ARMH1: variants seen among roughly 807,000 people sequenced by gnomAD.
ARMH1 encodes armadillo like helical domain containing 1, also known as armadillo-like helical domain containing protein 1.
Under a neutral mutation model 50.2 loss-of-function variants are expected in ARMH1, and 34 were observed. That is an observed-to-expected ratio of 0.68 (90% CI 0.51 to 0.90). The LOEUF (loss-of-function observed/expected upper bound fraction) is 0.90. Among genes scored for constraint, ARMH1 ranks in the 40% least tolerant of loss-of-function variants. The probability of loss-of-function intolerance (pLI) is 0.00; values close to 1 mark genes in which losing one functional copy is unlikely to be tolerated. For synonymous variants in ARMH1, 221 were observed against 224.2 expected, an observed-to-expected ratio of 0.99 and a Z score of 0.13; for missense variants, 538 against 553.9, an observed-to-expected ratio of 0.97 and a Z score of 0.29.
rs569522092 is a variant in ARMH1 at position 44,709,444 on chromosome 1, G to A, written c.724+5271G>A. On this transcript the variant is annotated intron_variant, in intron 6 of 11. Transcript: ENST00000535358. Reference sequence around the variant, plus strand: ...TCCCAGCACTTTGGGAGGCCAAGGGGGGCGGATCACGAGGTCAGGAGATCG... The same window carrying A: ...TCCCAGCACTTTGGGAGGCCAAGGGAGGCGGATCACGAGGTCAGGAGATCG... 3.9e-3 allele frequency among the ~76,000 whole-genome samples: 597 copies of A among 152,226 alleles called. 4 individuals are homozygous for A. Among genetic ancestry groups the A allele is most frequent in the Admixed American group, 9.5e-3 (146 of 15,296 alleles).
rs535052724 is a variant in ARMH1 at position 44,719,884 on chromosome 1, C to T, written c.725-4238C>T. ...GTGGCCAAGAAGTATAAGGTCCTGG[C>T]TTCAAAGCACTCTCAAAGTTGGCCA... On this transcript the variant is annotated intron_variant, in intron 6 of 11. Coordinates refer to ENST00000535358, the MANE Select transcript of ARMH1 (RefSeq NM_001145636.2). 7.2e-5 allele frequency among the ~76,000 whole-genome samples: 11 copies of T among 152,272 alleles called. No individual in the cohort carries two copies. The South Asian group carries it at 1.9e-3, about 26-fold the overall frequency.
At chr1:44,716,012 G>A (rs1646835394) in intron 6 of ARMH1, among the ~76,000 whole-genome samples, 1 of 152,172 alleles carries the variant, frequency 6.6e-6, no homozygotes, top group African/African-American at 2.4e-5. Flanking sequence ...AAACCCTCCT[G>A]ATGATACCTC....
chr1:44,688,666 C>G (rs918154401), intron 1 of ARMH1, among the ~76,000 whole-genome samples: 3 of 152,216 alleles, frequency 2.0e-5, no homozygotes, highest in African/African-American at 7.2e-5. Flanking sequence ...ATGACTTTCA[C>G]TTGTCTGTTA....
intron 6 of ARMH1, among the ~76,000 whole-genome samples, chr1:44,708,737 C>T (rs149111374): frequency 2.6e-5 from 4 of 152,252 alleles, no homozygotes; most frequent in African/African-American, 7.2e-5. Flanking sequence ...CTATGAAGAA[C>T]GCTACCTTCC....
chr1:44,675,207 A>T (rs911507596), intron 1 of ARMH1, among the ~76,000 whole-genome samples: 12 of 152,214 alleles, frequency 7.9e-5, no homozygotes, highest in African/African-American at 2.6e-4. Context: ...CGGGAGAGGG[A>T]GAGAAACCAT....
Position 44,677,669 on chromosome 1 carries a change from C to T in ARMH1, c.-23+2796C>T, listed in dbSNP as rs144307844. 2.9e-3 allele frequency among the ~76,000 whole-genome samples: 434 copies of T among 152,212 alleles called. 3 individuals are homozygous for T. The highest frequency in any genetic ancestry group is 0.017 in the Middle Eastern group (5 of 294). ...TGGAGTACAGGAGACAGTCAGGATGCTGATGTGGCCACTGAACTCCCCCTG... is the reference window on the plus strand; with the variant it reads ...TGGAGTACAGGAGACAGTCAGGATGTTGATGTGGCCACTGAACTCCCCCTG... On this transcript the variant is annotated intron_variant, in intron 1 of 11. Transcript: ENST00000535358.
intron 2 of ARMH1, among the ~76,000 whole-genome samples, chr1:44,694,330 A>G (rs1645753478): frequency 6.6e-6 from 1 of 152,168 alleles, no homozygotes; most frequent in African/African-American, 2.4e-5. Flanking sequence ...TTGGAGGAAA[A>G]CAAGTCAATA....
Position 44,724,857 on chromosome 1 carries a change from G to T in ARMH1, c.1128+18G>T. The T allele has an allele frequency of 6.6e-7, 1 of 1,516,962 alleles. No homozygotes were observed. The highest frequency in any genetic ancestry group is 8.8e-7 in the Non-Finnish European group (1 of 1,135,834). 94.0% of individuals were successfully genotyped at this position (1,516,962 alleles called of 1,614,324 possible). On this transcript the variant is annotated intron_variant, in intron 10 of 11. Coordinates refer to ENST00000535358, the MANE Select transcript of ARMH1 (RefSeq NM_001145636.2). The surrounding 1 kb of genome is among the most constrained non-coding windows in gnomAD (Gnocchi z 6.4). ...TCTTCCTGGTAAGTGCGCCCTTCCTGCCCCGCCGCAATGAGCAGATGGCGG... is the reference window on the plus strand; with the variant it reads ...TCTTCCTGGTAAGTGCGCCCTTCCTTCCCCGCCGCAATGAGCAGATGGCGG...
chr1:44,705,906 C>T (rs374939679), intron 6 of ARMH1, among the ~76,000 whole-genome samples: 100 of 151,980 alleles, frequency 6.6e-4, no homozygotes, highest in African/African-American at 2.0e-3. Flanking sequence ...GAGAGGAGTT[C>T]GTTCTGGAAA....
At chr1:44,703,079 T>A (rs1187024510) in intron 5 of ARMH1, among the ~76,000 whole-genome samples, 1 of 152,180 alleles carries the variant, frequency 6.6e-6, no homozygotes, top group Non-Finnish European at 1.5e-5. Flanking sequence ...AGCTTGAGGA[T>A]GTTTAATGCT....
intron 6 of ARMH1, chr1:44,721,839 T>TA (rs1357288867): frequency 6.6e-6 from 1 of 151,978 alleles, no homozygotes; most frequent in Non-Finnish European, 1.5e-5. Context: ...ATAGTTGTTT[T>TA]TCTCCACGGA....
chr1:44,713,632 C>T (rs2148729708), intron 6 of ARMH1, among the ~76,000 whole-genome samples: 1 of 152,314 alleles, frequency 6.6e-6, no homozygotes, highest in Middle Eastern at 3.4e-3. Flanking sequence ...AAACAGTCTT[C>T]CAGGGGATTT....
Position 44,725,439 on chromosome 1 carries a change from G to A in ARMH1, c.*36G>A. The A allele has an allele frequency of 1.3e-6, 2 of 1,547,330 alleles. No individual in the cohort carries two copies. The highest frequency in any genetic ancestry group is 8.7e-7 in the Non-Finnish European group (1 of 1,143,198). On this transcript the variant is annotated 3_prime_UTR_variant, in exon 12 of 12. Coordinates refer to ENST00000535358, the MANE Select transcript of ARMH1 (RefSeq NM_001145636.2). Reference sequence around the variant, plus strand: ...GGCAAACCAGGAAGGCCAAGGCTGCGGGGCAGGGAAGCCTGGCAAGAGGAA... The same window carrying A: ...GGCAAACCAGGAAGGCCAAGGCTGCAGGGCAGGGAAGCCTGGCAAGAGGAA...
rs978237478 is a variant in ARMH1 at position 44,687,148 on chromosome 1, G to C, written c.-22-2528G>C. Among the ~76,000 whole-genome samples the C allele has an allele frequency of 3.0e-4, 45 of 152,146 alleles. 1 individual carries two copies. The highest frequency in any genetic ancestry group is 2.6e-4 in the Admixed American group (4 of 15,264). On this transcript the variant is annotated intron_variant, in intron 1 of 11. Transcript: ENST00000535358. ...ACAGTTCTGGAGGCTGGAAGGCTGA[G>C]ATTACAGTGTCACAGGGTTGATTTC...
In ARMH1 at chr1:44,725,505, A is replaced by AGG; in HGVS notation, c.*107_*108dup. The stretch of plus-strand genomic sequence containing the variant: ...GCTCAGAGCCACTCCACTTGGCTCC[A>AGG]GGGGGGAGACGGGGATTAGGCATCC... On this transcript the variant is annotated 3_prime_UTR_variant, in exon 12 of 12. Coordinates refer to ENST00000535358, the MANE Select transcript of ARMH1 (RefSeq NM_001145636.2). 8.4e-7 allele frequency: 1 copy of AGG among 1,197,014 alleles called. No individual in the cohort carries two copies. Among genetic ancestry groups the AGG allele is most frequent in the Non-Finnish European group, 1.2e-6 (1 of 835,556 alleles). 74.1% of individuals were successfully genotyped at this position (1,197,014 alleles called of 1,614,324 possible). A position where few individuals can be genotyped will look rare whatever the true frequency, so the allele number is the denominator to read the frequency against.
rs1423540371 is a variant in ARMH1, at chr1:44,724,492, G to A, written c.921-47G>A. On this transcript the variant is annotated intron_variant, in intron 8 of 11. Transcript: ENST00000535358. The surrounding 1 kb of genome is among the most constrained non-coding windows in gnomAD (Gnocchi z 6.4). ...GTGCGCCGGGTGGGCGGGGGTGTGC[G>A]CCGGGTGAGCCCCAGGGCGTCGCCC... is the stretch of plus-strand genomic sequence containing the variant. The A allele has an allele frequency of 6.6e-7, 1 of 1,509,976 alleles. No individual in the cohort carries two copies. Among genetic ancestry groups the A allele is most frequent in the South Asian group, 1.2e-5 (1 of 80,520 alleles). 93.5% of individuals were successfully genotyped at this position (1,509,976 alleles called of 1,614,324 possible).
chr1:44,718,800 G>A (rs947168575), intron 6 of ARMH1, among the ~76,000 whole-genome samples: 5 of 152,104 alleles, frequency 3.3e-5, no homozygotes, highest in Admixed American at 6.6e-5. Context: ...CGAGGCAGGC[G>A]GATCACCTGA....
chr1:44,689,959 C>T, intron 2 of ARMH1, 56 bp downstream of exon 2: 1 of 1,480,024 alleles, frequency 6.8e-7, no homozygotes, highest in Non-Finnish European at 9.2e-7. Context: ...GTGGCTCACG[C>T]CTGTAATCCC....
At chr1:44,695,766 C>A (rs546901496) in intron 2 of ARMH1, among the ~76,000 whole-genome samples, 1 of 151,812 alleles carries the variant, frequency 6.6e-6, no homozygotes, top group Non-Finnish European at 1.5e-5. Context: ...ATAGCGAGAC[C>A]CCTGTCTCTA....
Sources: gnomAD v4.1 joint callset for allele counts (sites outside exome capture counted in the v4.1 genomes callset) on GRCh38, gnomAD v4.1.1 for gene constraint, Gnocchi (gnomAD v3.1) non-coding constraint, MANE v1.5 for transcripts, NCBI Gene and HGNC (gene_info 2026-07-23, HGNC 2026-07-21) for gene names.